The following TMEM108 variants were observed in gnomAD, a reference collection of about 807,000 sequenced individuals.
TMEM108 encodes the protein transmembrane protein 108.
A neutral mutation model predicts 35.1 loss-of-function variants in TMEM108; 12 were observed. The ratio of observed to expected loss-of-function variants is 0.34; its 90% CI spans 0.22 to 0.55. The LOEUF (loss-of-function observed/expected upper bound fraction) is 0.55. Ranked by LOEUF, TMEM108 falls within the 20% of genes least tolerant of loss-of-function variation. The probability of loss-of-function intolerance (pLI) is 0.89; values close to 1 mark genes in which losing one functional copy is unlikely to be tolerated. For missense variants in TMEM108, 680 were observed against 753.3 expected (o/e 0.90, Z 1.14); for synonymous variants, 287 against 308.6 (o/e 0.93, Z 0.73).
intron 2 of TMEM108, among the ~76,000 whole-genome samples, chr3:133,095,259 T>G (rs1943998455): frequency 6.6e-6 from 1 of 152,144 alleles, no homozygotes; most frequent in Non-Finnish European, 1.5e-5. Flanking sequence ...GATGGGGAGG[T>G]TCCATCTACC....
chr3:133,066,706 T>G (rs1242885872), intron 2 of TMEM108, among the ~76,000 whole-genome samples: 1 of 152,214 alleles, frequency 6.6e-6, no homozygotes, highest in East Asian at 1.9e-4. Context: ...ATGTATATAT[T>G]ATTTATGAAG....
chr3:133,386,246 CATGGAGAAGGTACTCAATAA>C (rs1473690955), intron 4 of TMEM108, among the ~76,000 whole-genome samples: 1 of 152,162 alleles, frequency 6.6e-6, no homozygotes, highest in Admixed American at 6.5e-5. Flanking sequence ...TAGCATCTGC[CATGGAGAAGGTACTCAATAA>C]ATGGCAGTGA....
chr3:133,352,133 A>T lies in TMEM108; in HGVS notation c.41-27619A>T, dbSNP rs149663011. On this transcript the variant is annotated intron_variant, in intron 3 of 5. Coordinates refer to ENST00000321871, the MANE Select transcript of TMEM108 (RefSeq NM_023943.4). ...ACAAATTTATTTTCATGTCAAGCTA[A>T]CAGGCATGGTAACTAAACAAAAACA... Among the ~76,000 whole-genome samples the T allele has an allele frequency of 4.3e-3, 650 of 152,302 alleles. 4 individuals carry two copies. Among genetic ancestry groups the T allele is most frequent in the Non-Finnish European group, 7.4e-3 (504 of 68,018 alleles).
At chr3:133,323,671 A>T (rs4428178) in intron 3 of TMEM108, among the ~76,000 whole-genome samples, 32,249 of 152,110 alleles carry the variant, frequency 0.21, 4,089 homozygotes, top group Middle Eastern at 0.31. Context: ...ACTAGAAAAA[A>T]TAATCCTAAA....
intron 1 of TMEM108, among the ~76,000 whole-genome samples, 156 bp from the exon 2 acceptor site, chr3:133,045,746 G>T (rs971802988): frequency 6.6e-6 from 1 of 152,188 alleles, no homozygotes; most frequent in South Asian, 2.1e-4. Flanking sequence ...CACCTGTCCA[G>T]TATGCATACA....
chr3:133,289,179 T>G (rs1420452174), intron 3 of TMEM108, among the ~76,000 whole-genome samples: 1 of 152,214 alleles, frequency 6.6e-6, no homozygotes, highest in Non-Finnish European at 1.5e-5. Context: ...TTCTTGGGGC[T>G]TGGGGATGGG....
intron 3 of TMEM108, among the ~76,000 whole-genome samples, chr3:133,309,573 AT>A (rs1270341160): frequency 1.4e-5 from 2 of 147,492 alleles, no homozygotes; most frequent in African/African-American, 5.1e-5. Context: ...CTTTGTTCTC[AT>A]TGGTTTCAAC....
intron 2 of TMEM108, among the ~76,000 whole-genome samples, chr3:133,199,444 G>C (rs1025708731): frequency 3.3e-5 from 5 of 152,114 alleles, no homozygotes; most frequent in African/African-American, 1.2e-4. Context: ...TTTGATGATG[G>C]TGACGTACAG....
chr3:133,068,959 A>G (rs767203276), intron 2 of TMEM108, among the ~76,000 whole-genome samples: 14 of 152,280 alleles, frequency 9.2e-5, no homozygotes, highest in Admixed American at 2.0e-4. Context: ...TAAAAGTTAA[A>G]TAGTAGGGAA....
intron 3 of TMEM108, among the ~76,000 whole-genome samples, chr3:133,342,729 G>A (rs1198131423): frequency 2.0e-5 from 3 of 150,636 alleles, no homozygotes; most frequent in Non-Finnish European, 4.5e-5. Flanking sequence ...TAAGTAGAGA[G>A]CAGAATTGTG....
At chr3:133,209,715 A>C (rs79984864) in intron 2 of TMEM108, among the ~76,000 whole-genome samples, 2,289 of 152,254 alleles carry the variant, frequency 0.015, 77 homozygotes, top group African/African-American at 0.051. Flanking sequence ...AATTTGCAGC[A>C]TCAACTGTTT....
intron 2 of TMEM108, among the ~76,000 whole-genome samples, chr3:133,145,652 T>C (rs1944708612): frequency 6.6e-6 from 1 of 152,212 alleles, no homozygotes; most frequent in African/African-American, 2.4e-5. Context: ...GAGCAGTGGT[T>C]TGTAGTTCTC....
chr3:133,093,667 G>A (rs1943975972), intron 2 of TMEM108, among the ~76,000 whole-genome samples: 1 of 152,204 alleles, frequency 6.6e-6, no homozygotes, highest in Admixed American at 6.5e-5. Context: ...GAATTATGGG[G>A]AATTAATATG....
intron 2 of TMEM108, among the ~76,000 whole-genome samples, chr3:133,139,013 A>T (rs751787900): frequency 6.6e-6 from 1 of 150,624 alleles, no homozygotes; most frequent in Non-Finnish European, 1.5e-5. Context: ...GAGAACATGC[A>T]GTGTTTGGTT....
In TMEM108 at chr3:133,188,523, T is replaced by G. The variant is rs563031134; in HGVS notation, c.-46-40743T>G. Among the ~76,000 whole-genome samples, 5 of 152,212 alleles carry G rather than the reference T, an allele frequency of 3.3e-5. No homozygotes were observed. In the South Asian group the frequency reaches 1.0e-3, roughly 32 times the overall value. On this transcript the variant is annotated intron_variant, in intron 2 of 5. Coordinates refer to ENST00000321871, the MANE Select transcript of TMEM108 (RefSeq NM_023943.4). ...GCCACCAGTTCCAGGTTTGTACTATTAAGAAAATTACTTCCTTGGACCATG... is the reference window on the plus strand; with the variant it reads ...GCCACCAGTTCCAGGTTTGTACTATGAAGAAAATTACTTCCTTGGACCATG...
At chr3:133,115,869 C>A (rs1240406586) in intron 2 of TMEM108, among the ~76,000 whole-genome samples, 3 of 152,128 alleles carry the variant, frequency 2.0e-5, no homozygotes, top group Non-Finnish European at 2.9e-5. Flanking sequence ...AGAGTCACTG[C>A]CATTTTCAAA....
chr3:133,213,068 A>G (rs113520736), intron 2 of TMEM108, among the ~76,000 whole-genome samples: 2,278 of 152,248 alleles, frequency 0.015, 73 homozygotes, highest in African/African-American at 0.051. Flanking sequence ...TATGCTATAA[A>G]AAAGCCTGAG....
At chr3:133,374,512 G>T (rs1441452680) in intron 3 of TMEM108, among the ~76,000 whole-genome samples, 1 of 149,482 alleles carries the variant, frequency 6.7e-6, no homozygotes, top group African/African-American at 2.5e-5. Context: ...GAGAAAGTGT[G>T]TATGTATATG....
intron 3 of TMEM108, among the ~76,000 whole-genome samples, chr3:133,376,126 T>C (rs970136774): frequency 1.3e-5 from 2 of 152,222 alleles, no homozygotes. Flanking sequence ...TTACTTAGGC[T>C]GTGTATCTTA....
Sources: gnomAD v4.1 joint callset for allele counts (sites outside exome capture counted in the v4.1 genomes callset) on GRCh38, gnomAD v4.1.1 for gene constraint, MANE v1.5 for transcripts, NCBI Gene and HGNC (gene_info 2026-07-23, HGNC 2026-07-21) for gene names.